The following CSMD1 variants were observed in gnomAD, a reference collection of about 807,000 sequenced individuals.
CSMD1 encodes CUB and sushi domain-containing protein 1.
Under a neutral mutation model 417.5 loss-of-function variants are expected in CSMD1, and 213 were observed. The observed-to-expected ratio is 0.51, with a 90% confidence interval of 0.46 to 0.57. The LOEUF is 0.57. Ranked by LOEUF, CSMD1 falls within the 20% of genes least tolerant of loss-of-function variation. The probability of loss-of-function intolerance (pLI) is 0.00; values close to 1 mark genes in which losing one functional copy is unlikely to be tolerated. For missense variants in CSMD1, 6,923 were observed against 4,529.7 expected (o/e 1.53, Z -15.17); for synonymous variants, 2,862 against 1,736.8 (o/e 1.65, Z -16.11).
intron 5 of CSMD1, among the ~76,000 whole-genome samples, chr8:3,776,290 C>G (rs1798883041): frequency 6.6e-6 from 1 of 152,104 alleles, no homozygotes; most frequent in Admixed American, 6.5e-5. Context: ...AGAACACTGT[C>G]CAGAGGGGTC....
At chr8:3,562,165 C>A (rs1416131474) in intron 10 of CSMD1, among the ~76,000 whole-genome samples, 3 of 151,284 alleles carry the variant, frequency 2.0e-5, no homozygotes, top group Admixed American at 6.6e-5. Flanking sequence ...GTAAATAATA[C>A]AGTAGTAGGT....
At chr8:3,921,713 G>C (rs796399488) in intron 5 of CSMD1, among the ~76,000 whole-genome samples, 4 of 152,058 alleles carry the variant, frequency 2.6e-5, no homozygotes, top group African/African-American at 9.6e-5. Flanking sequence ...TCCTCTCCCT[G>C]ATTTTAGTTT....
At position 3,050,385 on chromosome 8, in the gene CSMD1, T is replaced by C. The variant is rs34172300; in HGVS notation, c.7660+2077A>G. Among the ~76,000 whole-genome samples, 219 of 152,326 alleles carry C rather than the reference T, an allele frequency of 1.4e-3. 2 individuals carry two copies. In the East Asian group the frequency reaches 0.031, roughly 21 times the overall value. ...TTTGTAGATAAGCTATTTGAAATAT[T>C]TGGCAGGAAATACAGACTTTAAAAA... On this transcript the variant is annotated intron_variant, in intron 50 of 69. Coordinates refer to ENST00000635120, the MANE Select transcript of CSMD1 (RefSeq NM_033225.6).
chr8:3,819,913 G>A (rs1801626600), intron 5 of CSMD1, among the ~76,000 whole-genome samples: 2 of 152,130 alleles, frequency 1.3e-5, no homozygotes, highest in Admixed American at 6.5e-5. Flanking sequence ...GAGGCAGACT[G>A]GACAAGACAC....
intron 5 of CSMD1, among the ~76,000 whole-genome samples, chr8:3,902,497 A>C (rs1216608206): frequency 2.0e-5 from 3 of 152,118 alleles, no homozygotes; most frequent in African/African-American, 7.2e-5. Flanking sequence ...GTTTGGGATG[A>C]AACTTCCACC....
In CSMD1 at chr8:2,940,983, T is replaced by A. The variant is rs554355695; in HGVS notation, c.10535+1489A>T. 5.3e-5 allele frequency among the ~76,000 whole-genome samples: 8 copies of A among 152,360 alleles called. No individual in the cohort carries two copies. The South Asian group carries it at 1.7e-3, about 32-fold the overall frequency. On this transcript the variant is annotated intron_variant, in intron 69 of 69. Coordinates refer to ENST00000635120, the MANE Select transcript of CSMD1 (RefSeq NM_033225.6). ...ATCCCTTTAAGAAGAGAAGCTCATC[T>A]GATCATGGCATCTTATTGGAGAAGG...
intron 3 of CSMD1, among the ~76,000 whole-genome samples, chr8:4,372,082 GA>G (rs1412656466): frequency 6.6e-6 from 1 of 152,232 alleles, no homozygotes; most frequent in African/African-American, 2.4e-5. Flanking sequence ...TGAGGTGGAA[GA>G]AAAGCCCTTT....
intron 12 of CSMD1, among the ~76,000 whole-genome samples, chr8:3,463,711 G>C (rs188894276): frequency 2.0e-5 from 3 of 152,216 alleles, no homozygotes; most frequent in Admixed American, 6.5e-5. Context: ...AGACGGGCGA[G>C]ACTGGGCTGG....
At chr8:4,461,451 A>G (rs956287600) in intron 2 of CSMD1, among the ~76,000 whole-genome samples, 4 of 151,620 alleles carry the variant, frequency 2.6e-5, no homozygotes, top group Non-Finnish European at 1.5e-5. Flanking sequence ...AGTATACAGA[A>G]CATCTTAGAT....
chr8:3,121,396 G>A (rs1194516816), intron 41 of CSMD1, among the ~76,000 whole-genome samples: 2 of 152,152 alleles, frequency 1.3e-5, no homozygotes, highest in Non-Finnish European at 2.9e-5. Flanking sequence ...CGAGATCAGA[G>A]GACACATAGT....
intron 2 of CSMD1, among the ~76,000 whole-genome samples, chr8:4,455,305 T>G (rs1238136241): frequency 6.6e-6 from 1 of 152,166 alleles, no homozygotes; most frequent in Non-Finnish European, 1.5e-5. Flanking sequence ...TTGCATCCAT[T>G]AGCAAAGAAG....
chr8:3,184,785 G>A (rs1156572285), intron 36 of CSMD1, among the ~76,000 whole-genome samples: 2 of 152,158 alleles, frequency 1.3e-5, no homozygotes, highest in Non-Finnish European at 2.9e-5. Context: ...AATAGTCTCA[G>A]ACTTTTGAGT....
In CSMD1 at chr8:4,183,724, A is replaced by C. The variant is rs1714780; in HGVS notation, c.416-151625T>G. 1.9e-3 allele frequency among the ~76,000 whole-genome samples: 285 copies of C among 152,372 alleles called. 1 individual carries two copies. Among genetic ancestry groups the C allele is most frequent in the African/African-American group, 6.6e-3 (276 of 41,586 alleles). On this transcript the variant is annotated intron_variant, in intron 3 of 69. Transcript: ENST00000635120. ...AAACTATCAAATGATGAAAAATAAT[A>C]TATCATTTTAAAAGATTAGTGAAGC...
At chr8:4,026,141 C>T (rs545556745) in intron 4 of CSMD1, among the ~76,000 whole-genome samples, 5 of 152,206 alleles carry the variant, frequency 3.3e-5, no homozygotes, top group African/African-American at 1.2e-4. Context: ...ATTTACATCT[C>T]TCATAAATAT....
chr8:4,867,369 GC>G lies in CSMD1; in HGVS notation c.85+126962del, dbSNP rs1451123466. On this transcript the variant is annotated intron_variant, in intron 1 of 69. Coordinates refer to ENST00000635120, the MANE Select transcript of CSMD1 (RefSeq NM_033225.6). ...AATTTCTTTCCTCTTTAAATAGTTG[GC>G]CAACACTTAATTATTTGAAAGGTAT... Among the ~76,000 whole-genome samples, 3 of 151,920 alleles carry G rather than the reference GC, an allele frequency of 2.0e-5. 1 individual carries two copies. The highest frequency in any genetic ancestry group is 7.3e-5 in the African/African-American group (3 of 41,280).
intron 3 of CSMD1, among the ~76,000 whole-genome samples, chr8:4,098,248 A>C (rs1315852002): frequency 6.6e-6 from 1 of 152,232 alleles, no homozygotes; most frequent in Non-Finnish European, 1.5e-5. Context: ...TACAATAAAT[A>C]CAATGTACTT....
chr8:3,241,052 C>G (rs1374003915), intron 26 of CSMD1, among the ~76,000 whole-genome samples: 2 of 148,496 alleles, frequency 1.3e-5, no homozygotes, highest in South Asian at 2.2e-4. Flanking sequence ...GTATCTCATA[C>G]TTGTGGGTTA....
At chr8:3,335,897 G>T (rs896074247) in intron 23 of CSMD1, among the ~76,000 whole-genome samples, 2 of 152,178 alleles carry the variant, frequency 1.3e-5, no homozygotes, top group Admixed American at 6.5e-5. Flanking sequence ...GCAGAAGGTA[G>T]AAACCTGATC....
rs949333242 is a variant in CSMD1, at chr8:4,180,402, G to A, written c.416-148303C>T. ...TGAGAACACATGGACACAGGAAGGG[G>A]AACATCACACTCTGGGGACTGCTGT... On this transcript the variant is annotated intron_variant, in intron 3 of 69. Coordinates refer to ENST00000635120, the MANE Select transcript of CSMD1 (RefSeq NM_033225.6). Among the ~76,000 whole-genome samples the A allele has an allele frequency of 6.7e-5, 9 of 133,798 alleles. No individual in the cohort carries two copies. The Admixed American group carries it at 7.9e-4, about 12-fold the overall frequency. The allele number at this position is 133,798 out of a possible 152,430, so 87.8% of individuals were successfully genotyped here.
Sources: gnomAD v4.1 joint callset for allele counts (sites outside exome capture counted in the v4.1 genomes callset) on GRCh38, gnomAD v4.1.1 for gene constraint, MANE v1.5 for transcripts, NCBI Gene and HGNC (gene_info 2026-07-23, HGNC 2026-07-21) for gene names.